The following MLLT10 variants were observed in gnomAD, a reference collection of about 807,000 sequenced individuals.
MLLT10 encodes the protein MLLT10 histone lysine methyltransferase DOT1L cofactor, also known as protein AF-10.
MLLT10 carries 30 observed loss-of-function variants against 129.1 expected under a neutral mutation model. That is an observed-to-expected ratio of 0.23 (90% CI 0.17 to 0.32). The LOEUF (loss-of-function observed/expected upper bound fraction) is 0.32. MLLT10 is among the 10% of genes least tolerant of loss of function. MLLT10 has a pLI of 1.00. For missense variants in MLLT10, 1,119 were observed against 1,268.3 expected (o/e 0.88, Z 1.79); for synonymous variants, 490 against 446.4 (o/e 1.10, Z -1.23).
chr10:21,544,152 G>T (rs2035695557), intron 3 of MLLT10, among the ~76,000 whole-genome samples: 1 of 152,174 alleles, frequency 6.6e-6, no homozygotes, highest in African/African-American at 2.4e-5. Context: ...AAGAGAGATA[G>T]ATGTTTTATG....
intron 3 of MLLT10, among the ~76,000 whole-genome samples, chr10:21,576,529 G>A (rs1345119818): frequency 2.0e-5 from 3 of 151,986 alleles, no homozygotes; most frequent in Admixed American, 6.6e-5. Context: ...GTGAGCCACC[G>A]TGCCCGGCCA....
intron 4 of MLLT10, among the ~76,000 whole-genome samples, chr10:21,589,331 T>C (rs186200096): frequency 6.6e-6 from 1 of 151,822 alleles, no homozygotes; most frequent in Non-Finnish European, 1.5e-5. Flanking sequence ...AAAGTTTTTT[T>C]TTTTTTTTTT....
At chr10:21,623,922 CT>C (rs143087513) in intron 8 of MLLT10, among the ~76,000 whole-genome samples, 22 of 150,876 alleles carry the variant, frequency 1.5e-4, no homozygotes, top group African/African-American at 3.4e-4. Context: ...ATCTATGGTT[CT>C]TTTTTTTTAA....
chr10:21,577,461 G>GTTT (rs34503343), intron 3 of MLLT10, among the ~76,000 whole-genome samples: 10 of 126,544 alleles, frequency 7.9e-5, no homozygotes, highest in Non-Finnish European at 1.0e-4. Flanking sequence ...ATAGATGAAG[G>GTTT]TTTTTTTTTT....
intron 3 of MLLT10, chr10:21,564,441 G>A (rs544246187): frequency 1.3e-5 from 2 of 151,600 alleles, no homozygotes; most frequent in African/African-American, 4.9e-5. Flanking sequence ...ATCTTTTCAG[G>A]TGCTTATTTG....
chr10:21,569,280 G>A (rs1202134503), intron 3 of MLLT10, among the ~76,000 whole-genome samples: 3 of 151,936 alleles, frequency 2.0e-5, no homozygotes, highest in Non-Finnish European at 4.4e-5. Flanking sequence ...TTTTGAACAT[G>A]ATGTTGCTTT....
At chr10:21,605,480 C>A (rs1428194021) in intron 5 of MLLT10, among the ~76,000 whole-genome samples, 1 of 152,076 alleles carries the variant, frequency 6.6e-6, no homozygotes, top group Non-Finnish European at 1.5e-5. Flanking sequence ...GGGTCTTGCT[C>A]TGTCACCCTG....
intron 13 of MLLT10, among the ~76,000 whole-genome samples, chr10:21,689,565 G>GTATATATA (rs71393919): frequency 1.8e-3 from 201 of 113,444 alleles, no homozygotes; most frequent in East Asian, 0.011. Context: ...ATATATATAT[G>GTATATATA]TATATATATA....
chr10:21,723,444 G>A (rs948644017), intron 14 of MLLT10, among the ~76,000 whole-genome samples: 1 of 152,130 alleles, frequency 6.6e-6, no homozygotes, highest in Non-Finnish European at 1.5e-5. Flanking sequence ...ACTGATAATT[G>A]AAAGCAAAAA....
intron 5 of MLLT10, among the ~76,000 whole-genome samples, chr10:21,602,165 A>T (rs1177340555): frequency 1.3e-5 from 2 of 152,160 alleles, no homozygotes; most frequent in Non-Finnish European, 2.9e-5. Flanking sequence ...GCACCATTCC[A>T]TTATTAGAAA....
At chr10:21,696,291 G>C (rs929479412) in intron 13 of MLLT10, among the ~76,000 whole-genome samples, 5 of 151,820 alleles carry the variant, frequency 3.3e-5, no homozygotes, top group African/African-American at 9.7e-5. Flanking sequence ...GTGGACTCGG[G>C]TATTTGTTTT....
intron 3 of MLLT10, among the ~76,000 whole-genome samples, chr10:21,570,261 T>TG (rs1222407778): frequency 6.6e-6 from 1 of 150,868 alleles, no homozygotes; most frequent in African/African-American, 2.4e-5. Context: ...TGTTTAGAGA[T>TG]GGGGTTCTGC....
chr10:21,556,653 A>T (rs1363105236), intron 3 of MLLT10: 24 of 1,610,438 alleles, frequency 1.5e-5, no homozygotes, highest in Non-Finnish European at 2.0e-5. Flanking sequence ...ATGGTATGCA[A>T]TTCCTGTTGG....
intron 8 of MLLT10, among the ~76,000 whole-genome samples, chr10:21,638,534 C>A (rs768554892): frequency 3.3e-5 from 5 of 152,038 alleles, no homozygotes; most frequent in Non-Finnish European, 7.4e-5. Flanking sequence ...CTGTATCCAA[C>A]AGAGTCTTAA....
rs574908088 is a variant in MLLT10, at chr10:21,683,107, G to A, written c.1699+850G>A. 4.6e-5 allele frequency among the ~76,000 whole-genome samples: 7 copies of A among 152,190 alleles called. No homozygotes were observed. In the East Asian group the frequency reaches 5.8e-4, roughly 13 times the overall value. On this transcript the variant is annotated intron_variant, in intron 13 of 22. Transcript: ENST00000307729. The stretch of plus-strand genomic sequence containing the variant: ...TTAATTTGCAGTCGATTTGTGTTGC[G>A]TTTGGGTTTTATTGTCAGATGTTTA...
chr10:21,626,472 A>G (rs1589302460), intron 8 of MLLT10, among the ~76,000 whole-genome samples: 2 of 152,156 alleles, frequency 1.3e-5, no homozygotes, highest in South Asian at 4.1e-4. Context: ...GCAGCCTTCT[A>G]ATCTATTCCT....
chr10:21,534,801 C>G lies in MLLT10; in HGVS notation c.157C>G (p.Gln53Glu), dbSNP rs745545320. The G allele has an allele frequency of 6.2e-7, 1 of 1,605,884 alleles. No individual in the cohort carries two copies. Among genetic ancestry groups the G allele is most frequent in the Admixed American group, 1.7e-5 (1 of 59,366 alleles). ...GCACGGCTGCAGCGTCGCGGTGCAT[C>G]AAGGTAAACACCCAACCGCCCGCCG... ...DGHGCSVAVH[Q>E]ACYGIVQVPT... The change falls in exon 2 of 23, where the codon CAA becomes GAA. Residue 53 changes from glutamine (Q) to glutamate (E), a missense_variant. This residue lies in a region of MLLT10 where 33 missense variants were observed against 76.9 expected (regional missense o/e 0.43). Coordinates refer to ENST00000307729, the MANE Select transcript of MLLT10 (RefSeq NM_001195626.3).
chr10:21,685,629 A>G (rs1027169400), intron 13 of MLLT10, among the ~76,000 whole-genome samples: 1 of 152,218 alleles, frequency 6.6e-6, no homozygotes, highest in Non-Finnish European at 1.5e-5. Context: ...GGCGTGAGCC[A>G]CCGTGCCCAG....
At chr10:21,539,948 GAAA>G (rs551675253) in intron 3 of MLLT10, among the ~76,000 whole-genome samples, 1 of 135,424 alleles carries the variant, frequency 7.4e-6, no homozygotes, top group Non-Finnish European at 1.6e-5. Flanking sequence ...CTCAGGAAAG[GAAA>G]AAAAAAAACA....
Sources: gnomAD v4.1 joint callset for allele counts (sites outside exome capture counted in the v4.1 genomes callset) on GRCh38, gnomAD v4.1.1 for gene constraint, gnomAD v4.1.1 regional missense constraint, MANE v1.5 for transcripts, NCBI Gene and HGNC (gene_info 2026-07-23, HGNC 2026-07-21) for gene names.